ADAMTS14: variants seen among roughly 807,000 people sequenced by gnomAD.
ADAMTS14 encodes the protein ADAM metallopeptidase with thrombospondin type 1 motif 14.
ADAMTS14 carries 100 observed loss-of-function variants against 128.6 expected under a neutral mutation model. The ratio of observed to expected loss-of-function variants is 0.78; its 90% CI spans 0.66 to 0.92. The LOEUF (loss-of-function observed/expected upper bound fraction) is 0.92. ADAMTS14 is among the 40% of genes least tolerant of loss of function. The pLI is 0.00. For missense variants in ADAMTS14, 1,562 were observed against 1,658.6 expected, an observed-to-expected ratio of 0.94 and a Z score of 1.01; for synonymous variants, 665 against 653.8, an observed-to-expected ratio of 1.02 and a Z score of -0.26.
intron 13 of ADAMTS14, 151 bp downstream of exon 13, chr10:70,743,832 G>T: frequency 1.5e-6 from 2 of 1,295,028 alleles, no homozygotes; most frequent in Non-Finnish European, 2.1e-6. Context: ...TGCTGGAAGG[G>T]GCTAATTATT....
chr10:70,731,611 C>T (rs1200889046), intron 6 of ADAMTS14, among the ~76,000 whole-genome samples: 1 of 152,192 alleles, frequency 6.6e-6, no homozygotes, highest in African/African-American at 2.4e-5. Context: ...GTGTCCTCCC[C>T]ACCTCTGAAG....
At chr10:70,712,197 G>A (rs879516884) in intron 4 of ADAMTS14, among the ~76,000 whole-genome samples, 5 of 152,054 alleles carry the variant, frequency 3.3e-5, no homozygotes, top group Non-Finnish European at 7.4e-5. Flanking sequence ...AGGAGGCCAC[G>A]CTGAGAGCCA....
At chr10:70,718,934 A>G (rs988514431) in intron 4 of ADAMTS14, among the ~76,000 whole-genome samples, 1 of 150,902 alleles carries the variant, frequency 6.6e-6, no homozygotes, top group Admixed American at 6.6e-5. Context: ...GGCCTCAAGC[A>G]ATCCTCCTGC....
rs1030906925 is a variant in ADAMTS14, at chr10:70,741,176, A to C, written c.1924+14A>C. ...AGCCTGACGATGGTGAGTGGGCCCC[A>C]CCCCCCTCCCACTCCATGTCCTTAG... On this transcript the variant is annotated intron_variant, in intron 12 of 21. Coordinates refer to ENST00000373207, the MANE Select transcript of ADAMTS14 (RefSeq NM_080722.4). 18 of 1,607,648 alleles carry C rather than the reference A, an allele frequency of 1.1e-5. No homozygotes were observed. In the African/African-American group the frequency reaches 2.3e-4, roughly 21 times the overall value.
chr10:70,755,313 C>CAAAAAAA (rs33982477), intron 19 of ADAMTS14, among the ~76,000 whole-genome samples: 1 of 118,242 alleles, frequency 8.5e-6, no homozygotes, highest in African/African-American at 3.4e-5. Flanking sequence ...GCTTGTCTCA[C>CAAAAAAA]AAAAAAAAAA....
intron 2 of ADAMTS14, 38 bp downstream of exon 2, chr10:70,675,033 CT>C (rs1564514781): frequency 6.3e-7 from 1 of 1,593,476 alleles, no homozygotes; most frequent in Non-Finnish European, 8.5e-7. Context: ...CATCCTCCCC[CT>C]CCCATGCCCT....
At chr10:70,742,436 A>G (rs1029901544) in intron 12 of ADAMTS14, among the ~76,000 whole-genome samples, 4 of 152,062 alleles carry the variant, frequency 2.6e-5, no homozygotes, top group Non-Finnish European at 4.4e-5. Context: ...CCAGGTCCCT[A>G]CAGGAATCTG....
intron 2 of ADAMTS14, among the ~76,000 whole-genome samples, chr10:70,678,927 T>A (rs931419310): frequency 2.0e-5 from 3 of 151,854 alleles, no homozygotes; most frequent in Non-Finnish European, 2.9e-5. Flanking sequence ...TGCCTAACAC[T>A]GGGGTATGGG....
chr10:70,705,166 T>C (rs1840623288), intron 3 of ADAMTS14, among the ~76,000 whole-genome samples: 1 of 152,092 alleles, frequency 6.6e-6, no homozygotes, highest in East Asian at 1.9e-4. Context: ...CCGTTCAGAG[T>C]CCAGGGGCAG....
At chr10:70,731,411 T>C (rs938413422) in intron 6 of ADAMTS14, among the ~76,000 whole-genome samples, 2 of 152,138 alleles carry the variant, frequency 1.3e-5, no homozygotes, top group African/African-American at 4.8e-5. Flanking sequence ...TAAAAGAACA[T>C]TTCAGCTCCT....
Position 70,762,372 on chromosome 10 carries a change from C to T in ADAMTS14, c.*1519C>T, listed in dbSNP as rs2132770894. The stretch of plus-strand genomic sequence containing the variant: ...GAGAACCAGCCTGGCCTGTGTTAAA[C>T]TCTTGTGCCTTGGAAATCCAGATCT... On this transcript the variant is annotated 3_prime_UTR_variant, in exon 22 of 22. Transcript: ENST00000373207. 6.6e-6 allele frequency: 1 copy of T among 152,282 alleles called. No homozygotes were observed. Among genetic ancestry groups the T allele is most frequent in the Non-Finnish European group, 1.5e-5 (1 of 68,022 alleles). 9.4% of individuals were successfully genotyped at this position (152,282 alleles called of 1,614,324 possible).
chr10:70,695,305 C>G (rs991990389), intron 2 of ADAMTS14, among the ~76,000 whole-genome samples: 1 of 152,164 alleles, frequency 6.6e-6, no homozygotes, highest in Non-Finnish European at 1.5e-5. Context: ...TGCACCCCCA[C>G]CTTACCCCCA....
chr10:70,749,244 T>A (rs1190138219), intron 15 of ADAMTS14, among the ~76,000 whole-genome samples: 2 of 152,216 alleles, frequency 1.3e-5, no homozygotes, highest in Non-Finnish European at 2.9e-5. Flanking sequence ...CTTCTCGTTG[T>A]CCTGAGAGCC....
chr10:70,710,385 G>A (rs534609088), intron 4 of ADAMTS14, among the ~76,000 whole-genome samples: 1 of 152,372 alleles, frequency 6.6e-6, no homozygotes, highest in East Asian at 1.9e-4. Flanking sequence ...TCCAGCCCCT[G>A]CATGGGCCCT....
intron 2 of ADAMTS14, among the ~76,000 whole-genome samples, chr10:70,701,852 A>C (rs1395891017): frequency 6.6e-6 from 1 of 152,034 alleles, no homozygotes; most frequent in East Asian, 1.9e-4. Context: ...ACAAACACGC[A>C]CCTTAGGGAT....
intron 15 of ADAMTS14, among the ~76,000 whole-genome samples, chr10:70,746,470 C>T (rs990325039): frequency 1.3e-4 from 20 of 152,146 alleles, no homozygotes; most frequent in East Asian, 9.6e-4. Context: ...CTTTTTGGGG[C>T]GATGAAAATG....
chr10:70,712,185 G>C (rs1401554483), intron 4 of ADAMTS14, among the ~76,000 whole-genome samples: 1 of 152,110 alleles, frequency 6.6e-6, no homozygotes, highest in Non-Finnish European at 1.5e-5. Flanking sequence ...GATCCCATTA[G>C]TAGGAGGCCA....
At chr10:70,697,039 G>A (rs1564525322) in intron 2 of ADAMTS14, among the ~76,000 whole-genome samples, 2 of 152,182 alleles carry the variant, frequency 1.3e-5, no homozygotes, top group Non-Finnish European at 2.9e-5. Flanking sequence ...TGACCAAGGG[G>A]TGTCGGTGGA....
intron 19 of ADAMTS14, 108 bp downstream of exon 19, chr10:70,754,115 A>T: frequency 9.1e-7 from 1 of 1,103,930 alleles, no homozygotes; most frequent in Non-Finnish European, 1.3e-6. Flanking sequence ...GGCTCCCCCT[A>T]CATCAAATTT....
Sources: allele counts gnomAD v4.1 joint callset (sites outside exome capture counted in the v4.1 genomes callset), GRCh38; gene constraint gnomAD v4.1.1; transcripts MANE v1.5; gene names NCBI Gene and HGNC (gene_info 2026-07-23, HGNC 2026-07-21).